Variants in EIF2A observed in about 807,000 individuals in gnomAD.
EIF2A encodes 65 kDa eukaryotic translation initiation factor 2A.
EIF2A carries 62 observed loss-of-function variants against 75.2 expected under a neutral mutation model. That is an observed-to-expected ratio of 0.82 (90% CI 0.67 to 1.02). The LOEUF is 1.02. Ranked by LOEUF, EIF2A falls within the 50% of genes least tolerant of loss-of-function variation. The pLI is 0.00. For missense variants in EIF2A, 611 were observed against 677.7 expected (o/e 0.90, Z 1.09); for synonymous variants, 207 against 239.0 (o/e 0.87, Z 1.23).
At chr3:150,563,251 T>A (rs1296086918) in intron 4 of EIF2A, among the ~76,000 whole-genome samples, 1 of 152,186 alleles carries the variant, frequency 6.6e-6, no homozygotes, top group African/African-American at 2.4e-5. Context: ...ACAAACCTCC[T>A]GAGTTTTTGT....
At chr3:150,561,026 A>G (rs80053196) in intron 3 of EIF2A, among the ~76,000 whole-genome samples, 1,918 of 152,280 alleles carry the variant, frequency 0.013, 16 homozygotes, top group Middle Eastern at 0.041. Context: ...TACCATAATA[A>G]TTCTTAGAAT....
intron 11 of EIF2A, among the ~76,000 whole-genome samples, 184 bp downstream of exon 11, chr3:150,575,946 G>A (rs1004625123): frequency 4.6e-5 from 7 of 152,030 alleles, no homozygotes; most frequent in Non-Finnish European, 1.0e-4. Flanking sequence ...AAAATTAGTT[G>A]GCCATGGCTT....
At chr3:150,565,359 AG>A (rs1411612050) in intron 6 of EIF2A, 6 of 330,100 alleles carry the variant, frequency 1.8e-5, no homozygotes, top group Admixed American at 3.8e-5. Context: ...TTATTTCATC[AG>A]TGGTTGCAAA....
chr3:150,580,493 T>C lies in EIF2A; in HGVS notation c.1498-1125T>C, dbSNP rs115429986. 3.0e-3 allele frequency among the ~76,000 whole-genome samples: 451 copies of C among 152,324 alleles called. 3 individuals carry two copies. Among genetic ancestry groups the C allele is most frequent in the African/African-American group, 0.01 (433 of 41,566 alleles). On this transcript the variant is annotated intron_variant, in intron 11 of 13. Coordinates refer to ENST00000460851, the MANE Select transcript of EIF2A (RefSeq NM_032025.5). ...AATGTGAGATGGTACAATGCTTGTG[T>C]GGTAAGTTGAATGACCACGGCTATA...
chr3:150,547,490 T>TTTAGATTGG (rs1394585039), intron 1 of EIF2A, among the ~76,000 whole-genome samples: 1 of 152,200 alleles, frequency 6.6e-6, no homozygotes, highest in Non-Finnish European at 1.5e-5. Flanking sequence ...GAGGAGATAA[T>TTTAGATTGG]AAACTTAGAT....
At position 150,567,528 on chromosome 3, in the gene EIF2A, T is replaced by C. The variant is rs1347535279; in HGVS notation, c.476-165T>C. ...AAATTGAAGCCTACATTTGTCTTGCTCCTACCCCATGCTTTTTCCACTGTG... is the reference window on the plus strand; with the variant it reads ...AAATTGAAGCCTACATTTGTCTTGCCCCTACCCCATGCTTTTTCCACTGTG... On this transcript the variant is annotated intron_variant, in intron 6 of 13. Coordinates refer to ENST00000460851, the MANE Select transcript of EIF2A (RefSeq NM_032025.5). 5.6e-5 allele frequency: 32 copies of C among 570,438 alleles called. No homozygotes were observed. The East Asian group carries it at 9.4e-4, about 17-fold the overall frequency. The allele number at this position is 570,438 out of a possible 1,614,324, so 35.3% of individuals were successfully genotyped here.
chr3:150,578,706 C>CA (rs1211562399), intron 11 of EIF2A, among the ~76,000 whole-genome samples: 1 of 152,064 alleles, frequency 6.6e-6, no homozygotes, highest in Non-Finnish European at 1.5e-5. Flanking sequence ...TTTCAACTTG[C>CA]AAGATAAACT....
intron 2 of EIF2A, among the ~76,000 whole-genome samples, chr3:150,555,148 C>T (rs1442233710): frequency 2.0e-5 from 3 of 152,002 alleles, no homozygotes; most frequent in African/African-American, 7.3e-5. Flanking sequence ...AGGCTGCTCT[C>T]CAACTCCTGG....
At chr3:150,547,076 C>T in intron 1 of EIF2A, 1 of 567,528 alleles carries the variant, frequency 1.8e-6, no homozygotes, top group Non-Finnish European at 3.1e-6. Context: ...TCATCTTCTA[C>T]AGAAATAGAA....
At chr3:150,567,518 T>C in intron 6 of EIF2A, 175 bp from the exon 7 acceptor site, 1 of 520,192 alleles carries the variant, frequency 1.9e-6, no homozygotes, top group Non-Finnish European at 3.4e-6. Flanking sequence ...GAAGCCTACA[T>C]TTGTCTTGCT....
chr3:150,576,268 A>G (rs1275981690), intron 11 of EIF2A, among the ~76,000 whole-genome samples: 1 of 151,962 alleles, frequency 6.6e-6, no homozygotes, highest in African/African-American at 2.4e-5. Flanking sequence ...TGAGACCCCC[A>G]TCTCTATGAA....
chr3:150,553,445 G>A (rs1723417939), intron 2 of EIF2A, among the ~76,000 whole-genome samples: 1 of 151,632 alleles, frequency 6.6e-6, no homozygotes, highest in South Asian at 2.1e-4. Flanking sequence ...TTTTGCCCTT[G>A]TTGCCCAGGC....
Position 150,585,336 on chromosome 3 carries a change from A to C in EIF2A, c.*1425A>C, listed in dbSNP as rs1725411724. 6.6e-6 allele frequency: 1 copy of C among 152,252 alleles called. No homozygotes were observed. The highest frequency in any genetic ancestry group is 2.4e-5 in the African/African-American group (1 of 41,446). The allele number at this position is 152,252 out of a possible 1,614,324, so 9.4% of individuals were successfully genotyped here. On this transcript the variant is annotated 3_prime_UTR_variant, in exon 14 of 14. Transcript: ENST00000460851. ...GGAGTTCAAGACCAGCCTGATCAAC[A>C]TGGTGAAACCCCATCTCTACTAAAA...
intron 3 of EIF2A, among the ~76,000 whole-genome samples, chr3:150,559,071 C>T (rs372966888): frequency 1.3e-5 from 2 of 152,180 alleles, no homozygotes; most frequent in East Asian, 3.9e-4. Flanking sequence ...TGCAAATGCC[C>T]AAATATTTGT....
intron 1 of EIF2A, among the ~76,000 whole-genome samples, chr3:150,547,550 A>G (rs1291553541): frequency 2.0e-5 from 3 of 152,198 alleles, no homozygotes; most frequent in Non-Finnish European, 2.9e-5. Flanking sequence ...AAGAGTCTGC[A>G]TATGAGTATT....
chr3:150,557,738 T>C (rs1032294506), intron 2 of EIF2A: 2 of 330,070 alleles, frequency 6.1e-6, no homozygotes. Context: ...ATAAACTGAG[T>C]GTAAGCTGTC....
chr3:150,583,342 A>C, intron 13 of EIF2A, 77 bp downstream of exon 13: 1 of 1,371,630 alleles, frequency 7.3e-7, no homozygotes, highest in Non-Finnish European at 1.0e-6. Context: ...GTATTTAGTC[A>C]GGTAAAAGAG....
chr3:150,558,492 T>G (rs763367995), intron 3 of EIF2A, 30 bp downstream of exon 3: 1 of 1,452,208 alleles, frequency 6.9e-7, no homozygotes, highest in Non-Finnish European at 9.0e-7. Context: ...ACATATTTTG[T>G]GTGTCACGAA....
intron 1 of EIF2A, 36 bp downstream of exon 1, chr3:150,546,866 A>C: frequency 6.2e-7 from 1 of 1,609,622 alleles, no homozygotes; most frequent in South Asian, 1.1e-5. Context: ...CTCTTTCTTC[A>C]GACTAGTTTC....
Sources: gnomAD v4.1 joint callset for allele counts (sites outside exome capture counted in the v4.1 genomes callset) on GRCh38, gnomAD v4.1.1 for gene constraint, MANE v1.5 for transcripts, NCBI Gene and HGNC (gene_info 2026-07-23, HGNC 2026-07-21) for gene names.